The following COL4A6 variants were observed in gnomAD, a reference collection of about 807,000 sequenced individuals.
COL4A6 encodes collagen type IV alpha 6 chain.
In COL4A6, 59 loss-of-function variants were observed where a neutral mutation model predicts 126.7. That is an observed-to-expected ratio of 0.47 (90% CI 0.38 to 0.58). COL4A6 has a LOEUF of 0.58. Among genes scored for constraint, COL4A6 ranks in the 20% least tolerant of loss-of-function variants. The pLI, the probability that COL4A6 is intolerant of heterozygous loss-of-function variation, is 0.00. For missense variants in COL4A6, 1,285 were observed against 1,337.3 expected (o/e 0.96, Z 0.61); for synonymous variants, 547 against 496.6 (o/e 1.10, Z -1.35).
intron 2 of COL4A6, among the ~76,000 whole-genome samples, chrX:108,376,607 A>AAAAAT (rs57901693): frequency 0.064 from 7,098 of 110,819 alleles, 599 homozygotes; most frequent in African/African-American, 0.21. Flanking sequence ...TCTGTCTCAA[A>AAAAAT]AAAATAAAAT....
intron 5 of COL4A6, among the ~76,000 whole-genome samples, chrX:108,217,097 T>A (rs7065024): frequency 8.9e-6 from 1 of 111,796 alleles, no homozygotes; most frequent in Non-Finnish European, 1.9e-5. Context: ...GTTTGCTCAC[T>A]CTCTTGATTA....
At position 108,175,709 on chromosome X, in the gene COL4A6, T is replaced by C. The variant is rs1042066; in HGVS notation, c.2775A>G (p.Pro925=). The stretch of plus-strand genomic sequence containing the variant: ...ATGGTCCCATTTTTCCAGTTGATCC[T>C]GGAATTCCTTTTAATCCTCTTGTTC... ...IPGTRGLKGI[P]GSTGKMGPSG... The change falls in exon 29 of 45, where the codon CCA becomes CCG. Residue 925 remains proline (P), a synonymous_variant. Coordinates refer to ENST00000334504, the MANE Select transcript of COL4A6 (RefSeq NM_033641.4). The C allele has an allele frequency of 3.3e-5, 39 of 1,199,571 alleles. No homozygotes were observed. The highest frequency in any genetic ancestry group is 4.2e-5 in the Non-Finnish European group (37 of 886,930).
intron 3 of COL4A6, among the ~76,000 whole-genome samples, chrX:108,305,079 A>G (rs983661521): frequency 5.4e-5 from 6 of 111,958 alleles, no homozygotes; most frequent in African/African-American, 1.9e-4. Flanking sequence ...GAGAGCAGAC[A>G]AGTGAAGAGA....
At chrX:108,334,324 T>G (rs964399622) in intron 2 of COL4A6, among the ~76,000 whole-genome samples, 1 of 111,763 alleles carries the variant, frequency 8.9e-6, no homozygotes, top group African/African-American at 3.2e-5. Context: ...ACTGCCTGCA[T>G]TTGCCTATTT....
chrX:108,277,189 T>C (rs1044277091), intron 3 of COL4A6, among the ~76,000 whole-genome samples: 2 of 111,686 alleles, frequency 1.8e-5, no homozygotes, highest in Non-Finnish European at 3.8e-5. Flanking sequence ...GGCGAGGCAT[T>C]GCCTCACTCG....
At position 108,204,384 on chromosome X, in the gene COL4A6, C is replaced by T; in HGVS notation, c.716G>A (p.Gly239Glu). The T allele has an allele frequency of 8.3e-7, 1 of 1,206,215 alleles. No homozygotes were observed. Among genetic ancestry groups the T allele is most frequent in the Non-Finnish European group, 1.1e-6 (1 of 892,340 alleles). ...KGDVGLPGPAGPPPSTGELEF... is the reference protein window; with the variant it reads ...KGDVGLPGPAEPPPSTGELEF... ...CAGCTCTCCAGTAGATGGTGGAGGTCCTGCTGGGCCAGGGAGGCCAACATC... is the reference window on the plus strand; with the variant it reads ...CAGCTCTCCAGTAGATGGTGGAGGTTCTGCTGGGCCAGGGAGGCCAACATC... Residue 239 changes from glycine (G) to glutamate (E), a missense_variant, in exon 12 of 45, where the codon GGA (glycine) becomes GAA (glutamate). Transcript: ENST00000334504.
rs767249432 is a variant in COL4A6 at position 108,179,460 on chromosome X, T to C, written c.2132-22A>G. On this transcript the variant is annotated intron_variant, in intron 25 of 44. Transcript: ENST00000334504. ...AATCCTAAACGTAAAAAGGCGAACA[T>C]AAAAGACCATGGCTGTTTAGAAGCA... 1.1e-5 allele frequency: 12 copies of C among 1,139,032 alleles called. No homozygotes were observed. The African/African-American group carries it at 1.8e-4, about 17-fold the overall frequency. 93.9% of individuals were successfully genotyped at this position (1,139,032 alleles called of 1,213,427 possible). A position where few individuals can be genotyped will look rare whatever the true frequency, so the allele number is the denominator to read the frequency against.
rs1199272419 is a variant in COL4A6, at chrX:108,178,800, C to T, written c.2399G>A (p.Gly800Asp). 8.3e-7 allele frequency: 1 copy of T among 1,211,370 alleles called. No individual in the cohort carries two copies. Among genetic ancestry groups the T allele is most frequent in the Non-Finnish European group, 1.1e-6 (1 of 895,348 alleles). Residue 800 changes from glycine (G) to aspartate (D), a missense_variant, in exon 27 of 45, where the codon GGC (glycine) becomes GAC (aspartate). Gly to Asp is a moderately conservative substitution (Grantham distance 94, BLOSUM62 -1). Coordinates refer to ENST00000334504, the MANE Select transcript of COL4A6 (RefSeq NM_033641.4). Reference protein sequence around the residue: ...PGLLGPKGERGSPGTPGQVGQ... With the variant: ...PGLLGPKGERDSPGTPGQVGQ... ...CACCTGTCCTGGTGTCCCAGGGCTG[C>T]CCCGCTCACCTTTGGGGCCTAGTAA...
At chrX:108,203,177 T>A (rs953784972) in intron 12 of COL4A6, among the ~76,000 whole-genome samples, 196 bp from the exon 13 acceptor site, 1 of 111,736 alleles carries the variant, frequency 8.9e-6, no homozygotes, top group Admixed American at 9.5e-5. Flanking sequence ...TGGAGCTCTT[T>A]GCTGTGGGAG....
intron 3 of COL4A6, among the ~76,000 whole-genome samples, chrX:108,281,113 C>T (rs1248132442): frequency 2.1e-5 from 2 of 96,192 alleles, no homozygotes; most frequent in African/African-American, 3.8e-5. Context: ...CTCACCACTC[C>T]TATTCAACAT....
chrX:108,241,701 G>C (rs2036577363), intron 3 of COL4A6, among the ~76,000 whole-genome samples: 1 of 107,545 alleles, frequency 9.3e-6, no homozygotes, highest in Non-Finnish European at 1.9e-5. Context: ...AGAAGAAAAG[G>C]GTTCTACCTC....
intron 2 of COL4A6, among the ~76,000 whole-genome samples, chrX:108,406,471 T>C (rs1373826669): frequency 1.8e-5 from 2 of 112,482 alleles, no homozygotes; most frequent in African/African-American, 3.2e-5. Flanking sequence ...ATGTTATCTG[T>C]TATCCAAGGT....
intron 7 of COL4A6, among the ~76,000 whole-genome samples, 166 bp from the exon 8 acceptor site, chrX:108,210,170 T>C (rs1171668653): frequency 2.7e-5 from 3 of 112,640 alleles, no homozygotes; most frequent in Non-Finnish European, 3.8e-5. Flanking sequence ...TATTCGACTG[T>C]TTAGATTGTT....
At chrX:108,438,624 T>C (rs777807577), upstream of COL4A6, among the ~76,000 whole-genome samples, 2 of 112,608 alleles carry the variant, frequency 1.8e-5, no homozygotes, top group African/African-American at 6.4e-5. Flanking sequence ...GTGCATCATA[T>C]ACTTTCAACT....
chrX:108,243,733 A>G (rs1169226421), intron 3 of COL4A6, among the ~76,000 whole-genome samples: 2 of 111,830 alleles, frequency 1.8e-5, no homozygotes, highest in Non-Finnish European at 3.8e-5. Context: ...AACTGAATGC[A>G]ATGTCAAAGA....
At chrX:108,161,867 G>A (rs745884252) in intron 41 of COL4A6, 132 bp from the exon 42 acceptor site, 127 of 448,400 alleles carry the variant, frequency 2.8e-4, no homozygotes, top group Non-Finnish European at 4.4e-4. Context: ...GACTTGGTGT[G>A]CACACTGCAC....
In COL4A6 at chrX:108,428,597, T is replaced by C. The variant is rs145733751; in HGVS notation, c.63+9345A>G. The stretch of plus-strand genomic sequence containing the variant: ...GGTACTAGGCTTAGTACTGGGGTGA[T>C]GAAATAATCTGTACAACAAACTCCT... On this transcript the variant is annotated intron_variant, in intron 2 of 44. Transcript: ENST00000334504. Among the ~76,000 whole-genome samples the C allele has an allele frequency of 3.0e-3, 332 of 110,525 alleles. 1 individual carries two copies. The highest frequency in any genetic ancestry group is 0.011 in the African/African-American group (320 of 30,323).
At chrX:108,273,076 C>A (rs2037497187) in intron 3 of COL4A6, among the ~76,000 whole-genome samples, 1 of 110,112 alleles carries the variant, frequency 9.1e-6, no homozygotes, top group South Asian at 4.0e-4. Flanking sequence ...TAATGCTATC[C>A]CTCCCCGCTC....
intron 3 of COL4A6, among the ~76,000 whole-genome samples, chrX:108,286,000 T>C (rs907225359): frequency 1.5e-4 from 17 of 111,868 alleles, no homozygotes; most frequent in African/African-American, 5.2e-4. Flanking sequence ...CCTGTGAATG[T>C]TTGTTTCAGC....
Sources: gnomAD v4.1 joint callset for allele counts (sites outside exome capture counted in the v4.1 genomes callset) on GRCh38, gnomAD v4.1.1 for gene constraint, MANE v1.5 for transcripts, NCBI Gene and HGNC (gene_info 2026-07-23, HGNC 2026-07-21) for gene names.